The following ADCK1 variants were observed in gnomAD, a reference collection of about 807,000 sequenced individuals.
The protein encoded by ADCK1 is aarF domain containing kinase 1, also known as aarF domain-containing protein kinase 1.
Under a neutral mutation model 52.3 loss-of-function variants are expected in ADCK1, and 41 were observed. The ratio of observed to expected loss-of-function variants is 0.78; its 90% CI spans 0.61 to 1.02. The LOEUF (loss-of-function observed/expected upper bound fraction) is 1.02, where lower values mean the gene tolerates loss of function less well. ADCK1 is among the 50% of genes least tolerant of loss of function. ADCK1 has a pLI of 0.00. For missense variants in ADCK1, 658 were observed against 679.5 expected, an observed-to-expected ratio of 0.97 and a Z score of 0.35; for synonymous variants, 250 against 274.6, an observed-to-expected ratio of 0.91 and a Z score of 0.89.
chr14:77,837,525 A>G (rs1308771373), intron 3 of ADCK1, among the ~76,000 whole-genome samples: 1 of 152,220 alleles, frequency 6.6e-6, no homozygotes, highest in Admixed American at 6.5e-5. Flanking sequence ...GAACATGGAC[A>G]TATTGTTTTG....
In ADCK1 at chr14:77,933,577, A is replaced by G; in HGVS notation, c.*186A>G. 3.2e-6 allele frequency: 2 copies of G among 634,390 alleles called. 1 individual carries two copies. The highest frequency in any genetic ancestry group is 8.7e-4 in the Middle Eastern group (2 of 2,288). The allele number at this position is 634,390 out of a possible 1,614,324, so 39.3% of individuals were successfully genotyped here. A position where few individuals can be genotyped will look rare whatever the true frequency, so the allele number is the denominator to read the frequency against. Reference sequence around the variant, plus strand: ...CTGTGGCCCTTGTCTCAGGGCCCACAAGCTGAACTGTGGCATAGCTCTCTC... The same window carrying G: ...CTGTGGCCCTTGTCTCAGGGCCCACGAGCTGAACTGTGGCATAGCTCTCTC... On this transcript the variant is annotated 3_prime_UTR_variant, in exon 11 of 11. Coordinates refer to ENST00000238561, the MANE Select transcript of ADCK1 (RefSeq NM_020421.4).
chr14:77,814,987 A>T (rs2081414098), intron 1 of ADCK1, among the ~76,000 whole-genome samples: 4 of 151,038 alleles, frequency 2.6e-5, no homozygotes, highest in Admixed American at 6.6e-5. Flanking sequence ...CCTGGGTTCA[A>T]GCAATTCTCT....
intron 7 of ADCK1, among the ~76,000 whole-genome samples, chr14:77,920,842 G>A (rs561832510): frequency 5.5e-4 from 83 of 152,038 alleles, no homozygotes; most frequent in Non-Finnish European, 1.1e-3. Context: ...TAGAGATGGG[G>A]TCTTGGTATG....
intron 6 of ADCK1, among the ~76,000 whole-genome samples, chr14:77,901,168 C>T (rs1169908118): frequency 4.0e-5 from 6 of 151,768 alleles, no homozygotes; most frequent in African/African-American, 4.8e-5. Flanking sequence ...TCTCAGTCTC[C>T]CAAGTAGCTG....
intron 8 of ADCK1, 30 bp from the exon 9 acceptor site, chr14:77,925,734 T>C (rs1440487637): frequency 6.2e-7 from 1 of 1,611,148 alleles, no homozygotes; most frequent in East Asian, 2.2e-5. Flanking sequence ...AGACGAGGCT[T>C]AGGTCCCACC....
rs78758233 is a variant in ADCK1, at chr14:77,934,482, C to G, written c.*1091C>G. ...GCCTGGAATTCTACTTGTCTCCCCC[C>G]AGTCCTTCTGGAGACCTTAGTCCTC... On this transcript the variant is annotated 3_prime_UTR_variant, in exon 11 of 11. Transcript: ENST00000238561. The G allele has an allele frequency of 2.0e-5, 3 of 152,062 alleles. No homozygotes were observed. Among genetic ancestry groups the G allele is most frequent in the East Asian group, 1.9e-4 (1 of 5,194 alleles). 9.4% of individuals were successfully genotyped at this position (152,062 alleles called of 1,614,324 possible). A position where few individuals can be genotyped will look rare whatever the true frequency, so the allele number is the denominator to read the frequency against.
chr14:77,836,237 T>C (rs979369134), intron 3 of ADCK1, among the ~76,000 whole-genome samples: 8 of 152,140 alleles, frequency 5.3e-5, no homozygotes, highest in Non-Finnish European at 1.2e-4. Flanking sequence ...CAGATGCGGG[T>C]CTCTTGGTCA....
At chr14:77,887,684 A>G (rs2083190503) in intron 5 of ADCK1, among the ~76,000 whole-genome samples, 1 of 152,242 alleles carries the variant, frequency 6.6e-6, no homozygotes, top group Non-Finnish European at 1.5e-5. Flanking sequence ...GATCACATAG[A>G]AACATCTATG....
At chr14:77,860,990 G>C (rs546307899) in intron 4 of ADCK1, among the ~76,000 whole-genome samples, 1 of 152,260 alleles carries the variant, frequency 6.6e-6, no homozygotes, top group South Asian at 2.1e-4. Context: ...CCAGGGTGGA[G>C]TGAGGGAAGT....
chr14:77,809,918 G>A (rs60265016), intron 1 of ADCK1, among the ~76,000 whole-genome samples: 3 of 150,296 alleles, frequency 2.0e-5, no homozygotes, highest in East Asian at 4.1e-4. Flanking sequence ...CCTGCCTTTC[G>A]TCCCAGCTAC....
chr14:77,812,884 C>T (rs2081364412), intron 1 of ADCK1, among the ~76,000 whole-genome samples: 1 of 151,486 alleles, frequency 6.6e-6, no homozygotes, highest in Admixed American at 6.6e-5. Flanking sequence ...GTCACCATGC[C>T]CGGCTGCATA....
chr14:77,924,250 T>A, intron 7 of ADCK1: 1 of 619,302 alleles, frequency 1.6e-6, no homozygotes, highest in South Asian at 2.2e-5. Context: ...GCCCACATGG[T>A]TTCATGATTC....
chr14:77,908,000 G>C, intron 7 of ADCK1, 81 bp downstream of exon 7: 1 of 1,178,498 alleles, frequency 8.5e-7, no homozygotes, highest in Non-Finnish European at 1.3e-6. Context: ...GTGTGTCCAG[G>C]TGAGGCCTCA....
intron 3 of ADCK1, among the ~76,000 whole-genome samples, chr14:77,850,648 C>CTTTTT (rs58373247): frequency 9.3e-6 from 1 of 107,980 alleles, no homozygotes; most frequent in African/African-American, 3.7e-5. Flanking sequence ...CATGATATAT[C>CTTTTT]TTTTTTTTTT....
At chr14:77,845,561 T>A (rs879844229) in intron 3 of ADCK1, among the ~76,000 whole-genome samples, 1 of 152,168 alleles carries the variant, frequency 6.6e-6, no homozygotes, top group Admixed American at 6.6e-5. Context: ...TAGCTGGGAC[T>A]ACAGGCACAT....
chr14:77,889,514 T>C (rs1011080881), intron 5 of ADCK1, among the ~76,000 whole-genome samples: 1 of 152,176 alleles, frequency 6.6e-6, no homozygotes, highest in African/African-American at 2.4e-5. Context: ...TCCCAGATCA[T>C]AGACATGGGA....
At chr14:77,916,986 G>T (rs941987082) in intron 7 of ADCK1, among the ~76,000 whole-genome samples, 4 of 152,186 alleles carry the variant, frequency 2.6e-5, no homozygotes, top group African/African-American at 9.7e-5. Flanking sequence ...TTTGGACAGG[G>T]CTGAAGTGGG....
intron 6 of ADCK1, among the ~76,000 whole-genome samples, chr14:77,906,967 G>T (rs1255252046): frequency 1.3e-5 from 2 of 152,170 alleles, no homozygotes; most frequent in Non-Finnish European, 2.9e-5. Flanking sequence ...TGTTGCCCAG[G>T]CTGGAGTGCA....
At chr14:77,802,951 C>T (rs1792990901) in intron 1 of ADCK1, among the ~76,000 whole-genome samples, 1 of 152,044 alleles carries the variant, frequency 6.6e-6, no homozygotes, top group Admixed American at 6.6e-5. Context: ...GAGACTTCAT[C>T]TCAAAATAAA....
Sources: gnomAD v4.1 joint callset for allele counts (sites outside exome capture counted in the v4.1 genomes callset) on GRCh38, gnomAD v4.1.1 for gene constraint, MANE v1.5 for transcripts, NCBI Gene and HGNC (gene_info 2026-07-23, HGNC 2026-07-21) for gene names.